TRDN: variants seen among roughly 807,000 people sequenced by gnomAD.
The protein encoded by TRDN is triadin.
A neutral mutation model predicts 149.7 loss-of-function variants in TRDN; 161 were observed. The observed-to-expected ratio is 1.08, with a 90% CI of 0.95 to 1.23. TRDN has a LOEUF of 1.23. Ranked by LOEUF, TRDN falls within the 50% of genes most tolerant of loss-of-function variation. The pLI, the probability that TRDN is intolerant of heterozygous loss-of-function variation, is 0.00. For synonymous variants in TRDN, 294 were observed against 250.5 expected, an observed-to-expected ratio of 1.17 and a Z score of -1.64; for missense variants, 896 against 823.5, an observed-to-expected ratio of 1.09 and a Z score of -1.08.
chr6:123,306,671 A>T (rs1307651146), intron 24 of TRDN, among the ~76,000 whole-genome samples: 1 of 152,050 alleles, frequency 6.6e-6, no homozygotes, highest in South Asian at 2.1e-4. Flanking sequence ...GAGCTGGCTA[A>T]ACTTTCTCGA....
intron 9 of TRDN, among the ~76,000 whole-genome samples, chr6:123,468,308 C>T (rs1161694551): frequency 1.3e-5 from 2 of 152,236 alleles, no homozygotes; most frequent in Admixed American, 6.5e-5. Flanking sequence ...TAAAGGTGCC[C>T]TTCATTTTAC....
At chr6:123,529,136 TA>T in intron 5 of TRDN, 1 of 1,523,262 alleles carries the variant, frequency 6.6e-7, no homozygotes, top group Non-Finnish European at 8.8e-7. Flanking sequence ...GCAGCACTGT[TA>T]TTAAATTAAT....
At chr6:123,270,854 T>G (rs1472828117) in intron 30 of TRDN, among the ~76,000 whole-genome samples, 1 of 152,052 alleles carries the variant, frequency 6.6e-6, no homozygotes, top group Non-Finnish European at 1.5e-5. Context: ...GTATACATGG[T>G]AATCAATGCA....
rs1348761629 is a variant in TRDN, at chr6:123,503,810, A to T, written c.702T>A (p.Ala234=). The T allele has an allele frequency of 6.2e-7, 1 of 1,611,442 alleles. No individual in the cohort carries two copies. The highest frequency in any genetic ancestry group is 8.5e-7 in the Non-Finnish European group (1 of 1,178,680). ...GGKQEKVKQT[A]AKVKEVQKTP... The stretch of plus-strand genomic sequence containing the variant: ...TTTTCTGTACTTCTTTTACTTTTGC[A>T]GCTGTTTGCTTCACTTTCTCCTGTT... Residue 234 remains alanine, a synonymous_variant, in exon 8 of 41, where the codon GCT becomes GCA. Coordinates refer to ENST00000334268, the MANE Select transcript of TRDN (RefSeq NM_006073.4).
intron 24 of TRDN, 134 bp downstream of exon 24, chr6:123,316,323 A>T: frequency 1.2e-6 from 1 of 814,854 alleles, no homozygotes; most frequent in South Asian, 1.6e-5. Context: ...TATATGGCAC[A>T]TAGCATCAGT....
Position 123,438,997 on chromosome 6 carries a change from T to C in TRDN, c.938A>G (p.Glu313Gly). The C allele has an allele frequency of 6.4e-7, 1 of 1,555,288 alleles. No homozygotes were observed. The highest frequency in any genetic ancestry group is 8.7e-7 in the Non-Finnish European group (1 of 1,148,462). Residue 313 changes from glutamate to glycine, a missense_variant, in exon 11 of 41, where the codon GAA (glutamate) becomes GGA (glycine). Glu to Gly is a moderately conservative substitution (Grantham distance 98, BLOSUM62 -2). Transcript: ENST00000334268. ...CTTCTCAGCCTTCTTCTTTTCCCCT[T>C]CTTTTTCTAGAGAATACATTTAAAA... Reference protein sequence around the residue: ...TPASPALEEKEGEKKKAEKKV... With the variant: ...TPASPALEEKGGEKKKAEKKV...
intron 2 of TRDN, among the ~76,000 whole-genome samples, chr6:123,554,209 T>C (rs1781535526): frequency 6.6e-6 from 1 of 152,170 alleles, no homozygotes; most frequent in Admixed American, 6.6e-5. Context: ...TCATGAATGC[T>C]ACCCAAACCA....
In TRDN at chr6:123,273,021, A is replaced by AT; in HGVS notation, c.1625-11dup. The AT allele has an allele frequency of 6.7e-7, 1 of 1,485,558 alleles. No individual in the cohort carries two copies. The highest frequency in any genetic ancestry group is 8.9e-7 in the Non-Finnish European group (1 of 1,117,436). 92.0% of individuals were successfully genotyped at this position (1,485,558 alleles called of 1,614,324 possible). ...TTCACTATGTCTTGTTCTGAAAATA[A>AT]TAAAAAGAAAATCTTTTTTAGGTAT... On this transcript the variant is annotated splice_polypyrimidine_tract_variant and intron_variant, in intron 28 of 40. Coordinates refer to ENST00000334268, the MANE Select transcript of TRDN (RefSeq NM_006073.4).
At chr6:123,327,891 C>T (rs1358317967) in intron 23 of TRDN, among the ~76,000 whole-genome samples, 2 of 152,012 alleles carry the variant, frequency 1.3e-5, no homozygotes, top group African/African-American at 4.8e-5. Flanking sequence ...AATATTTAAA[C>T]ATAAGTACAT....
chr6:123,438,874 T>C (rs1361182555), intron 11 of TRDN, 70 bp downstream of exon 11: 7 of 1,230,216 alleles, frequency 5.7e-6, no homozygotes, highest in South Asian at 1.5e-5. Flanking sequence ...TAGAAAATAA[T>C]AGATTTACCA....
intron 18 of TRDN, among the ~76,000 whole-genome samples, chr6:123,376,090 A>T (rs1340853219): frequency 1.3e-5 from 2 of 152,202 alleles, no homozygotes; most frequent in African/African-American, 4.8e-5. Context: ...AAAAAAATAG[A>T]TAATAATTTC....
chr6:123,469,814 C>T (rs1429381941), intron 9 of TRDN: 5 of 152,518 alleles, frequency 3.3e-5, no homozygotes, highest in East Asian at 3.9e-4. Context: ...CGTAGAGAGA[C>T]AGAGATTCAA....
At chr6:123,356,005 G>A (rs1183084713) in intron 20 of TRDN, among the ~76,000 whole-genome samples, 1 of 151,702 alleles carries the variant, frequency 6.6e-6, no homozygotes, top group Non-Finnish European at 1.5e-5. Context: ...TCACTCAGTT[G>A]TAGCAATTTT....
chr6:123,619,317 G>C (rs1409055244), intron 1 of TRDN, among the ~76,000 whole-genome samples: 1 of 152,118 alleles, frequency 6.6e-6, no homozygotes, highest in Non-Finnish European at 1.5e-5. Context: ...GCTCTACTGG[G>C]GACTAGAGGA....
rs145973903 is a variant in TRDN at position 123,435,831 on chromosome 6, C to T, written c.1051+2232G>A. 4.6e-3 allele frequency among the ~76,000 whole-genome samples: 707 copies of T among 152,182 alleles called. 4 individuals are homozygous for T. The highest frequency in any genetic ancestry group is 0.016 in the African/African-American group (662 of 41,528). ...TGTAGGAAGTGATATGGGCATAATC[C>T]GTTCTCTTGCCAGTGGTGCACAACC... On this transcript the variant is annotated intron_variant, in intron 12 of 40. Coordinates refer to ENST00000334268, the MANE Select transcript of TRDN (RefSeq NM_006073.4).
Position 123,547,388 on chromosome 6 carries a change from A to G in TRDN, c.392-16T>C. 1 of 1,393,524 alleles carries G rather than the reference A, an allele frequency of 7.2e-7. No homozygotes were observed. The highest frequency in any genetic ancestry group is 9.5e-7 in the Non-Finnish European group (1 of 1,051,690). The allele number at this position is 1,393,524 out of a possible 1,614,324, so 86.3% of individuals were successfully genotyped here. A position where few individuals can be genotyped will look rare whatever the true frequency, so the allele number is the denominator to read the frequency against. On this transcript the variant is annotated splice_polypyrimidine_tract_variant and intron_variant, in intron 3 of 40. Transcript: ENST00000334268. ...TCTATTTCTCCTAGACCAAGATTAA[A>G]AGAAAAACAAAGTTAGAAAATATTT...
At chr6:123,410,951 T>G (rs1773410717) in intron 12 of TRDN, among the ~76,000 whole-genome samples, 1 of 151,860 alleles carries the variant, frequency 6.6e-6, no homozygotes, top group Admixed American at 6.6e-5. Context: ...CCAATACTAA[T>G]ATAATGAACG....
intron 26 of TRDN, 79 bp downstream of exon 26, chr6:123,278,239 C>T: frequency 1.0e-6 from 1 of 975,962 alleles, no homozygotes; most frequent in Non-Finnish European, 1.4e-6. Context: ...TGTACTAGGA[C>T]ATGACATTTG....
chr6:123,262,740 T>C (rs1776816573), intron 33 of TRDN, among the ~76,000 whole-genome samples: 1 of 152,106 alleles, frequency 6.6e-6, no homozygotes, highest in Admixed American at 6.6e-5. Flanking sequence ...TCACAATATT[T>C]CAAATTTTTC....
Sources: allele counts gnomAD v4.1 joint callset (sites outside exome capture counted in the v4.1 genomes callset), GRCh38; gene constraint gnomAD v4.1.1; transcripts MANE v1.5; gene names NCBI Gene and HGNC (gene_info 2026-07-23, HGNC 2026-07-21).